The following UNC13B variants were observed in gnomAD, a reference collection of about 807,000 sequenced individuals.
The protein encoded by UNC13B is unc-13 homolog B.
Under a neutral mutation model 211.0 loss-of-function variants are expected in UNC13B, and 144 were observed. The observed-to-expected ratio is 0.68, with a 90% confidence interval of 0.60 to 0.78. The LOEUF (loss-of-function observed/expected upper bound fraction) is 0.78. Ranked by LOEUF, UNC13B falls within the 30% of genes least tolerant of loss-of-function variation. The probability of loss-of-function intolerance (pLI) is 0.00; values close to 1 mark genes in which losing one functional copy is unlikely to be tolerated. For missense variants in UNC13B, 1,777 were observed against 2,002.0 expected (o/e 0.89, Z 2.14); for synonymous variants, 709 against 725.8 (o/e 0.98, Z 0.37).
At chr9:35,354,643 G>C (rs115009111) in intron 11 of UNC13B, among the ~76,000 whole-genome samples, 1 of 152,252 alleles carries the variant, frequency 6.6e-6, no homozygotes, top group African/African-American at 2.4e-5. Context: ...TATCCAAAGA[G>C]CATATGCTAT....
chr9:35,209,091 G>A (rs1468311752), intron 1 of UNC13B, among the ~76,000 whole-genome samples: 1 of 152,142 alleles, frequency 6.6e-6, no homozygotes, highest in South Asian at 2.1e-4. Context: ...TTGAGACAGG[G>A]TCTTGCTGTG....
intron 11 of UNC13B, among the ~76,000 whole-genome samples, chr9:35,365,667 C>T (rs947686469): frequency 6.6e-6 from 1 of 152,184 alleles, no homozygotes. Context: ...GTTGTTTCTT[C>T]CCACCTACTG....
At chr9:35,254,263 A>G (rs1449622832) in intron 6 of UNC13B, among the ~76,000 whole-genome samples, 2 of 152,224 alleles carry the variant, frequency 1.3e-5, no homozygotes, top group African/African-American at 4.8e-5. Flanking sequence ...TGGATAGCTT[A>G]TAAACAACAG....
chr9:35,341,221 C>A (rs964078109), intron 11 of UNC13B, among the ~76,000 whole-genome samples: 2 of 152,182 alleles, frequency 1.3e-5, no homozygotes, highest in Non-Finnish European at 2.9e-5. Context: ...CATCTCAGCT[C>A]ACCTAACTTC....
intron 1 of UNC13B, 110 bp downstream of exon 1, chr9:35,162,415 C>A (rs1235452129): frequency 5.3e-6 from 7 of 1,325,704 alleles, no homozygotes; most frequent in African/African-American, 4.6e-5. Flanking sequence ...CCCGTCCGTG[C>A]TTTGGGGGTC....
rs17849227 is a variant in UNC13B at position 35,403,818 on chromosome 9, C to T, written c.12808C>T (p.Arg4270Trp). 19 of 1,614,092 alleles carry T rather than the reference C, an allele frequency of 1.2e-5. No homozygotes were observed. Among genetic ancestry groups the T allele is most frequent in the South Asian group, 6.6e-5 (6 of 91,070 alleles). ...ATGCGTGAAGGATTACTGCTTTGCC[C>T]GGGAAGATCGCGTGCTAGGGCTGGC... ...QICVKDYCFA[R>W]EDRVLGLAVM... The change falls in exon 40 of 40, where the codon CGG becomes TGG. Residue 4270 changes from arginine to tryptophan, a missense_variant. Physicochemically the swap from Arg to Trp is moderately radical, Grantham distance 101 (BLOSUM62 -3). Transcript: ENST00000635942.
intron 11 of UNC13B, among the ~76,000 whole-genome samples, chr9:35,331,903 G>A (rs1831390329): frequency 6.6e-6 from 1 of 151,830 alleles, no homozygotes. Flanking sequence ...CTCTAATCAA[G>A]AATCTTTAAT....
rs542656017 is a variant in UNC13B, at chr9:35,210,860, A to T, written c.23-17155A>T. 1.9e-4 allele frequency among the ~76,000 whole-genome samples: 29 copies of T among 152,220 alleles called. 1 individual carries two copies. The South Asian group carries it at 4.1e-3, about 22-fold the overall frequency. Reference sequence around the variant, plus strand: ...CTTTGATGGACTCTTGTTAGTGGTCATTGTTGCAGAAATCTTGCAATGCCC... The same window carrying T: ...CTTTGATGGACTCTTGTTAGTGGTCTTTGTTGCAGAAATCTTGCAATGCCC... On this transcript the variant is annotated intron_variant, in intron 1 of 39. Coordinates refer to ENST00000635942, the MANE Select transcript of UNC13B (RefSeq NM_001371189.2).
At chr9:35,332,928 T>C (rs1831453962) in intron 11 of UNC13B, among the ~76,000 whole-genome samples, 1 of 152,174 alleles carries the variant, frequency 6.6e-6, no homozygotes, top group Non-Finnish European at 1.5e-5. Context: ...TTGTATTAAG[T>C]TCAAAAACAG....
At chr9:35,356,460 C>T (rs1300125205) in intron 11 of UNC13B, among the ~76,000 whole-genome samples, 1 of 152,068 alleles carries the variant, frequency 6.6e-6, no homozygotes, top group Non-Finnish European at 1.5e-5. Context: ...ATTCCTGTCA[C>T]TCCACCAAAA....
intron 20 of UNC13B, among the ~76,000 whole-genome samples, chr9:35,381,966 G>A (rs951302019): frequency 1.6e-4 from 24 of 152,196 alleles, no homozygotes; most frequent in African/African-American, 5.1e-4. Flanking sequence ...CAGGGAAAGA[G>A]GCATGTGAGA....
intron 7 of UNC13B, among the ~76,000 whole-genome samples, chr9:35,269,335 A>G (rs1827749405): frequency 6.6e-6 from 1 of 152,200 alleles, no homozygotes; most frequent in African/African-American, 2.4e-5. Context: ...GAAATGATAC[A>G]TTGGAGGAAG....
At chr9:35,244,378 G>A (rs1333562876) in intron 6 of UNC13B, among the ~76,000 whole-genome samples, 1 of 152,124 alleles carries the variant, frequency 6.6e-6, no homozygotes, top group Non-Finnish European at 1.5e-5. Flanking sequence ...GCAGTGGTTT[G>A]ATGACTGTAT....
intron 37 of UNC13B, chr9:35,401,869 G>A (rs1587785112): frequency 2.2e-6 from 3 of 1,361,648 alleles, no homozygotes; most frequent in South Asian, 1.3e-5. Flanking sequence ...TTGAATGGCT[G>A]TTAACTCCTT....
intron 1 of UNC13B, among the ~76,000 whole-genome samples, chr9:35,204,304 C>A (rs2131389886): frequency 6.6e-6 from 1 of 152,362 alleles, no homozygotes; most frequent in East Asian, 1.9e-4. Flanking sequence ...TGGAGAACCT[C>A]TACTAGTGCA....
chr9:35,308,883 A>C (rs917037831), intron 9 of UNC13B, among the ~76,000 whole-genome samples: 8 of 152,178 alleles, frequency 5.3e-5, no homozygotes, highest in African/African-American at 1.9e-4. Context: ...TGCTTTCTCC[A>C]GTGGCAATGA....
intron 26 of UNC13B, among the ~76,000 whole-genome samples, chr9:35,392,938 A>G (rs893733569): frequency 2.6e-5 from 4 of 152,356 alleles, no homozygotes; most frequent in Middle Eastern, 3.4e-3. Context: ...TAAGAATACA[A>G]TTTAATGAGT....
chr9:35,219,897 A>C (rs75900579), intron 1 of UNC13B, among the ~76,000 whole-genome samples: 7,413 of 152,132 alleles, frequency 0.049, 409 homozygotes, highest in East Asian at 0.3. Flanking sequence ...ATGTGTGCAT[A>C]TGTCTATTTG....
chr9:35,341,684 A>T (rs1832004617), intron 11 of UNC13B: 1 of 152,810 alleles, frequency 6.5e-6, no homozygotes, highest in Admixed American at 6.5e-5. Context: ...AGAGAGTAAG[A>T]TCTATATTTA....
Sources: allele counts gnomAD v4.1 joint callset (sites outside exome capture counted in the v4.1 genomes callset), GRCh38; gene constraint gnomAD v4.1.1; transcripts MANE v1.5; gene names NCBI Gene and HGNC (gene_info 2026-07-23, HGNC 2026-07-21).